IGF2BP2: variants seen among roughly 807,000 people sequenced by gnomAD.
IGF2BP2 encodes the protein insulin like growth factor 2 mRNA binding protein 2.
Under a neutral mutation model 75.8 loss-of-function variants are expected in IGF2BP2, and 17 were observed. The observed-to-expected ratio is 0.22, with a 90% CI of 0.15 to 0.34. The LOEUF (loss-of-function observed/expected upper bound fraction) is 0.34, where lower values mean the gene tolerates loss of function less well. IGF2BP2 is among the 10% of genes least tolerant of loss of function. IGF2BP2 has a pLI of 1.00. For missense variants in IGF2BP2, 516 were observed against 772.4 expected (o/e 0.67, Z 3.93); for synonymous variants, 288 against 295.6 (o/e 0.97, Z 0.26).
chr3:185,780,667 T>C (rs1013498476), intron 2 of IGF2BP2, among the ~76,000 whole-genome samples: 4 of 152,204 alleles, frequency 2.6e-5, no homozygotes, highest in African/African-American at 4.8e-5. Flanking sequence ...GAAAACATGT[T>C]ATATACGTGA....
intron 4 of IGF2BP2, 127 bp downstream of exon 4, chr3:185,696,485 C>A (rs182151874): frequency 1.1e-5 from 8 of 748,418 alleles, no homozygotes; most frequent in Non-Finnish European, 1.8e-5. Context: ...GATGTAAATA[C>A]ATATACTCTA....
At position 185,720,251 on chromosome 3, in the gene IGF2BP2, G is replaced by A. The variant is rs150572408; in HGVS notation, c.240-21904C>T. 5.8e-3 allele frequency among the ~76,000 whole-genome samples: 878 copies of A among 152,288 alleles called. 4 individuals carry two copies. The highest frequency in any genetic ancestry group is 0.02 in the African/African-American group (820 of 41,560). ...CTATGCTGGTAAATATTTAAAAAAC[G>A]GCTCTTGCAGGGGGAGATAAAGCAA... On this transcript the variant is annotated intron_variant, in intron 2 of 15. Transcript: ENST00000382199.
At chr3:185,751,829 G>C (rs916419118) in intron 2 of IGF2BP2, among the ~76,000 whole-genome samples, 20 of 151,852 alleles carry the variant, frequency 1.3e-4, no homozygotes, top group Non-Finnish European at 2.8e-4. Context: ...TGGGCGTGGT[G>C]GTGGGCGCCT....
In IGF2BP2 at chr3:185,687,165, G is replaced by C. The variant is rs928198182; in HGVS notation, c.704C>G (p.Ser235Cys). The change falls in exon 7 of 16, where the codon TCT becomes TGT. Residue 235 changes from serine (S) to cysteine (C), a missense_variant. Coordinates refer to ENST00000382199, the MANE Select transcript of IGF2BP2 (RefSeq NM_006548.6). The part of the protein sequence containing the change: ...SRVDIHRKEN[S>C]GAAEKPVTIH... ...GGTGACAGGCTTCTCTGCAGCTCCA[G>C]AGTTCTCTTTTCTATGGATATCTAC... The C allele has an allele frequency of 6.2e-7, 1 of 1,612,158 alleles. No homozygotes were observed. The highest frequency in any genetic ancestry group is 1.7e-5 in the Admixed American group (1 of 59,118).
At chr3:185,744,627 G>A (rs1730002385) in intron 2 of IGF2BP2, among the ~76,000 whole-genome samples, 1 of 152,164 alleles carries the variant, frequency 6.6e-6, no homozygotes, top group African/African-American at 2.4e-5. Context: ...GGCCAACATG[G>A]TGAAACCCCA....
intron 2 of IGF2BP2, among the ~76,000 whole-genome samples, chr3:185,737,448 G>T (rs774523165): frequency 6.6e-6 from 1 of 152,144 alleles, no homozygotes; most frequent in African/African-American, 2.4e-5. Flanking sequence ...TAACATGGGA[G>T]TAACACCTTT....
intron 2 of IGF2BP2, among the ~76,000 whole-genome samples, chr3:185,752,191 G>A (rs1731057042): frequency 6.6e-6 from 1 of 151,722 alleles, no homozygotes; most frequent in Non-Finnish European, 1.5e-5. Context: ...TTCCTCTCTC[G>A]CACATGTTAT....
intron 2 of IGF2BP2, among the ~76,000 whole-genome samples, chr3:185,769,574 C>T (rs996600252): frequency 1.3e-5 from 2 of 151,956 alleles, no homozygotes; most frequent in African/African-American, 2.4e-5. Flanking sequence ...CGGTGGCTCA[C>T]GCTTGTAATC....
At chr3:185,765,864 A>G (rs1421365032) in intron 2 of IGF2BP2, among the ~76,000 whole-genome samples, 1 of 152,200 alleles carries the variant, frequency 6.6e-6, no homozygotes, top group African/African-American at 2.4e-5. Context: ...TGGGGGGAAA[A>G]TTCTTGTCCA....
At chr3:185,737,541 T>C (rs563519268) in intron 2 of IGF2BP2, among the ~76,000 whole-genome samples, 4 of 152,328 alleles carry the variant, frequency 2.6e-5, no homozygotes, top group African/African-American at 9.6e-5. Flanking sequence ...TGTGTGCATA[T>C]AGTATTTGCA....
intron 12 of IGF2BP2, among the ~76,000 whole-genome samples, chr3:185,655,194 T>G (rs1715241276): frequency 6.6e-6 from 1 of 152,214 alleles, no homozygotes; most frequent in South Asian, 2.1e-4. Flanking sequence ...TGCAATGGCG[T>G]GATCTCGGCT....
At chr3:185,772,180 T>A (rs1364196751) in intron 2 of IGF2BP2, among the ~76,000 whole-genome samples, 1 of 152,198 alleles carries the variant, frequency 6.6e-6, no homozygotes, top group East Asian at 1.9e-4. Flanking sequence ...TTCACTGTTC[T>A]AGCTCAAGTG....
chr3:185,803,894 C>T (rs530462958), intron 2 of IGF2BP2, among the ~76,000 whole-genome samples: 2 of 152,120 alleles, frequency 1.3e-5, no homozygotes, highest in African/African-American at 4.8e-5. Flanking sequence ...GAGGCCGAGG[C>T]GGGTGGATCA....
At chr3:185,735,738 C>T (rs956135724) in intron 2 of IGF2BP2, among the ~76,000 whole-genome samples, 6 of 152,156 alleles carry the variant, frequency 3.9e-5, no homozygotes, top group African/African-American at 1.4e-4. Flanking sequence ...TCTCCTAATC[C>T]CACATCCATA....
intron 2 of IGF2BP2, among the ~76,000 whole-genome samples, chr3:185,735,716 C>T (rs1728770040): frequency 6.6e-6 from 1 of 152,172 alleles, no homozygotes; most frequent in African/African-American, 2.4e-5. Context: ...ACAGCTCTGC[C>T]ACTAAATAGC....
chr3:185,762,366 TAAAAA>T (rs529395141), intron 2 of IGF2BP2, among the ~76,000 whole-genome samples: 1 of 105,458 alleles, frequency 9.5e-6, no homozygotes, highest in Non-Finnish European at 1.9e-5. Context: ...AGGCTTTACT[TAAAAA>T]AAAAAAAAAA....
chr3:185,699,845 T>G (rs1272551718), intron 2 of IGF2BP2, among the ~76,000 whole-genome samples: 1 of 152,322 alleles, frequency 6.6e-6, no homozygotes, highest in Middle Eastern at 3.4e-3. Context: ...CCCCAAGACA[T>G]CCTGCTGGTC....
chr3:185,798,927 C>A (rs1213773316), intron 2 of IGF2BP2, among the ~76,000 whole-genome samples: 1 of 151,904 alleles, frequency 6.6e-6, no homozygotes, highest in Non-Finnish European at 1.5e-5. Context: ...CAGGCACACA[C>A]CACCACGCCT....
In IGF2BP2 at chr3:185,672,617, G is replaced by A; in HGVS notation, c.1124C>T (p.Ser375Leu). Residue 375 changes from serine (S) to leucine (L), a missense_variant, in exon 10 of 16, where the codon TCA becomes TTA. Transcript: ENST00000382199. Reference protein sequence around the residue: ...GLNLSALGIFSTGLSVLSPPA... With the variant: ...GLNLSALGIFLTGLSVLSPPA... ...TGGAGATAGCACGGACAGTCCTGTT[G>A]AAAAGATGCCAAGTGCGCTGAGGTT... is the stretch of plus-strand genomic sequence containing the variant. The A allele has an allele frequency of 6.2e-7, 1 of 1,614,006 alleles. No individual in the cohort carries two copies. The highest frequency in any genetic ancestry group is 8.5e-7 in the Non-Finnish European group (1 of 1,179,944).
Sources: allele counts gnomAD v4.1 joint callset (sites outside exome capture counted in the v4.1 genomes callset), GRCh38; gene constraint gnomAD v4.1.1; transcripts MANE v1.5; gene names NCBI Gene and HGNC (gene_info 2026-07-23, HGNC 2026-07-21).